ITPR3: variants seen among roughly 807,000 people sequenced by gnomAD.
The protein encoded by ITPR3 is inositol 1,4,5-trisphosphate receptor type 3.
In ITPR3, 173 loss-of-function variants were observed where a neutral mutation model predicts 293.2. The ratio of observed to expected loss-of-function variants is 0.59; its 90% confidence interval spans 0.52 to 0.67. ITPR3 has a LOEUF of 0.67. ITPR3 is among the 30% of genes least tolerant of loss of function. The probability of loss-of-function intolerance (pLI) is 0.00; values close to 1 mark genes in which losing one functional copy is unlikely to be tolerated. For synonymous variants in ITPR3, 1,295 were observed against 1,444.4 expected, an observed-to-expected ratio of 0.90 and a Z score of 2.35; for missense variants, 2,796 against 3,592.1, an observed-to-expected ratio of 0.78 and a Z score of 5.66.
rs146484117 is a variant in ITPR3, at chr6:33,664,436, C to G, written c.1149-434C>G. 1.9e-4 allele frequency among the ~76,000 whole-genome samples: 29 copies of G among 152,312 alleles called. No individual in the cohort carries two copies. Among genetic ancestry groups the G allele is most frequent in the Middle Eastern group, 3.4e-3 (1 of 294 alleles). ...CTTGGGGGTAGATGGATTTGGTATT[C>G]AGATTGTTTTTCATTTTAGAAAGGT... On this transcript the variant is annotated intron_variant, in intron 11 of 57. Coordinates refer to ENST00000605930, the MANE Select transcript of ITPR3 (RefSeq NM_002224.4). The surrounding 1 kb of genome is among the most constrained non-coding windows in gnomAD (Gnocchi z 4.4).
At chr6:33,695,164 C>A in intron 57 of ITPR3, 79 bp downstream of exon 57, 2 of 1,481,904 alleles carry the variant, frequency 1.3e-6, no homozygotes, top group Non-Finnish European at 9.2e-7. Context: ...CCTTCCTGAC[C>A]CACCCTCTTC....
chr6:33,673,104 C>T (rs192351059), intron 22 of ITPR3, among the ~76,000 whole-genome samples: 2 of 152,302 alleles, frequency 1.3e-5, no homozygotes, highest in Admixed American at 1.3e-4. Context: ...GTGTGACTCA[C>T]CCATGTCTGC....
In ITPR3 at chr6:33,664,045, G is replaced by A. The variant is rs969676834; in HGVS notation, c.1148+165G>A. Reference sequence around the variant, plus strand: ...CTGGGGATCTAGCTCTGAGTCTGTCGGCGGCTGACCACCATTGCATGCCTG... The same window carrying A: ...CTGGGGATCTAGCTCTGAGTCTGTCAGCGGCTGACCACCATTGCATGCCTG... On this transcript the variant is annotated intron_variant, in intron 11 of 57. Transcript: ENST00000605930. The surrounding 1 kb of genome is among the most constrained non-coding windows in gnomAD (Gnocchi z 4.4). 3.3e-5 allele frequency among the ~76,000 whole-genome samples: 5 copies of A among 152,014 alleles called. No individual in the cohort carries two copies. The highest frequency in any genetic ancestry group is 6.5e-5 in the Admixed American group (1 of 15,272).
At position 33,662,625 on chromosome 6, in the gene ITPR3, G is replaced by A. The variant is rs777019225; in HGVS notation, c.809G>A (p.Arg270His). Reference sequence around the variant, plus strand: ...CAGGTGTTCCTGCGAACTACACTGCGCCAGTCTGCCACCTCGGCCACCAGC... The same window carrying A: ...CAGGTGTTCCTGCGAACTACACTGCACCAGTCTGCCACCTCGGCCACCAGC... Reference protein sequence around the residue: ...KLQVFLRTTLRQSATSATSSN... With the variant: ...KLQVFLRTTLHQSATSATSSN... The change falls in exon 8 of 58, where the codon CGC becomes CAC. Residue 270 changes from arginine (R) to histidine (H), a missense_variant. By Grantham distance (29) the Arg-to-His change is conservative. Around this residue, in one of 8 missense-constraint regions of ITPR3, gnomAD observed 955 missense variants for 1,180.8 expected, o/e 0.81. Transcript: ENST00000605930. 5 of 1,611,146 alleles carry A rather than the reference G, an allele frequency of 3.1e-6. No homozygotes were observed. Among genetic ancestry groups the A allele is most frequent in the Non-Finnish European group, 4.2e-6 (5 of 1,179,992 alleles).
chr6:33,682,575 G>T lies in ITPR3; in HGVS notation c.4528G>T (p.Glu1510Ter), dbSNP rs749739146. 1 of 1,591,028 alleles carries T rather than the reference G, an allele frequency of 6.3e-7. No individual in the cohort carries two copies. The highest frequency in any genetic ancestry group is 8.6e-7 in the Non-Finnish European group (1 of 1,168,670). The change falls in exon 34 of 58, where the codon GAG becomes TAG. Residue 1510 changes from glutamate (E) to a stop codon, truncating the protein, a stop_gained. Coordinates refer to ENST00000605930, the MANE Select transcript of ITPR3 (RefSeq NM_002224.4). LOFTEE classifies it high-confidence loss of function. The surrounding 1 kb of genome is among the most constrained non-coding windows in gnomAD (Gnocchi z 5.4). ...GCTGCAGTCTACCACACGCCTCCTCGAGTGTCCGTGGCTACAGCAGCAGCA... is the reference window on the plus strand; with the variant it reads ...GCTGCAGTCTACCACACGCCTCCTCTAGTGTCCGTGGCTACAGCAGCAGCA... ...QLLQSTTRLL[E>*]CPWLQQQHKG...
At chr6:33,681,451 C>T (rs1026548932) in intron 33 of ITPR3, among the ~76,000 whole-genome samples, 1 of 152,196 alleles carries the variant, frequency 6.6e-6, no homozygotes, top group Non-Finnish European at 1.5e-5. Flanking sequence ...AGCAGAAGGG[C>T]TCCAGGCCAG....
Position 33,691,507 on chromosome 6 carries a change from C to A in ITPR3, c.7226-108C>A. 4.5e-6 allele frequency: 4 copies of A among 895,252 alleles called. No homozygotes were observed. The highest frequency in any genetic ancestry group is 7.0e-6 in the Non-Finnish European group (4 of 571,612). The allele number at this position is 895,252 out of a possible 1,614,324, so 55.5% of individuals were successfully genotyped here. On this transcript the variant is annotated intron_variant, in intron 52 of 57. Transcript: ENST00000605930. This position sits in a 1 kb window ranked among gnomAD's most constrained non-coding sequence, Gnocchi z 4.9. Reference sequence around the variant, plus strand: ...CTGTGGCTGGACAGTGGAGGGCTGGCGATCCAGGACCAGGGAAGGTTTCCT... The same window carrying A: ...CTGTGGCTGGACAGTGGAGGGCTGGAGATCCAGGACCAGGGAAGGTTTCCT...
chr6:33,632,150 G>A lies in ITPR3; in HGVS notation c.90-8334G>A, dbSNP rs1763698275. Reference sequence around the variant, plus strand: ...CCAGAAGACCTGGGATCTGGAACTTGCTGTTCCATTAACTTGTGTGACCTG... The same window carrying A: ...CCAGAAGACCTGGGATCTGGAACTTACTGTTCCATTAACTTGTGTGACCTG... On this transcript the variant is annotated intron_variant, in intron 1 of 57. Coordinates refer to ENST00000605930, the MANE Select transcript of ITPR3 (RefSeq NM_002224.4). This position sits in a 1 kb window ranked among gnomAD's most constrained non-coding sequence, Gnocchi z 4.1. Among the ~76,000 whole-genome samples the A allele has an allele frequency of 6.6e-6, 1 of 151,602 alleles. No individual in the cohort carries two copies. Among genetic ancestry groups the A allele is most frequent in the South Asian group, 2.1e-4 (1 of 4,818 alleles).
intron 1 of ITPR3, among the ~76,000 whole-genome samples, chr6:33,629,889 A>T (rs1763634090): frequency 6.6e-6 from 1 of 151,900 alleles, no homozygotes; most frequent in Non-Finnish European, 1.5e-5. Flanking sequence ...TCAAGAGATC[A>T]AGACCATCCT....
In ITPR3 at chr6:33,672,343, G is replaced by C; in HGVS notation, c.2928+115G>C. The C allele has an allele frequency of 1.1e-6, 1 of 891,180 alleles. No individual in the cohort carries two copies. Among genetic ancestry groups the C allele is most frequent in the Non-Finnish European group, 1.7e-6 (1 of 589,186 alleles). The allele number at this position is 891,180 out of a possible 1,614,324, so 55.2% of individuals were successfully genotyped here. A position where few individuals can be genotyped will look rare whatever the true frequency, so the allele number is the denominator to read the frequency against. On this transcript the variant is annotated intron_variant, in intron 22 of 57. Coordinates refer to ENST00000605930, the MANE Select transcript of ITPR3 (RefSeq NM_002224.4). The surrounding 1 kb of genome is among the most constrained non-coding windows in gnomAD (Gnocchi z 5.0). ...CAGATCTCAGTATTTAGTACTGGAAGTCTCCATCGTGACTGGCTGTCAGGC... is the reference window on the plus strand; with the variant it reads ...CAGATCTCAGTATTTAGTACTGGAACTCTCCATCGTGACTGGCTGTCAGGC...
intron 1 of ITPR3, among the ~76,000 whole-genome samples, chr6:33,630,907 G>T (rs1238331320): frequency 6.6e-6 from 1 of 152,236 alleles, no homozygotes; most frequent in Non-Finnish European, 1.5e-5. Flanking sequence ...ATATGTAGAG[G>T]TAAAGGAAAT....
chr6:33,647,453 A>G (rs575472509), intron 2 of ITPR3, among the ~76,000 whole-genome samples: 39 of 152,252 alleles, frequency 2.6e-4, no homozygotes, highest in Non-Finnish European at 4.4e-4. Flanking sequence ...ACCACCATCC[A>G]TCCACAGACC....
intron 2 of ITPR3, among the ~76,000 whole-genome samples, chr6:33,648,748 G>A (rs961409174): frequency 1.3e-5 from 2 of 151,902 alleles, no homozygotes; most frequent in African/African-American, 4.8e-5. Context: ...CGTGTCAACA[G>A]ACCCGGCTAG....
chr6:33,678,779 C>T lies in ITPR3; in HGVS notation c.3912C>T (p.His1304=), dbSNP rs1282358430. 6.2e-7 allele frequency: 1 copy of T among 1,613,624 alleles called. No individual in the cohort carries two copies. Among genetic ancestry groups the T allele is most frequent in the African/African-American group, 1.3e-5 (1 of 75,032 alleles). ...GRHVQYLDFL[H]TVIKAEGKYV... is the part of the protein sequence containing the mutation. ...ATGTGCAGTACCTGGACTTCCTGCA[C>T]ACCGTCATTAAGGCCGAGGGCAAGT... The change falls in exon 30 of 58, where the codon CAC becomes CAT. Residue 1304 remains histidine (H), a synonymous_variant. Coordinates refer to ENST00000605930, the MANE Select transcript of ITPR3 (RefSeq NM_002224.4).
In ITPR3 at chr6:33,688,246, G is replaced by A. The variant is rs907167572; in HGVS notation, c.6383G>A (p.Arg2128Gln). 4 of 1,614,190 alleles carry A rather than the reference G, an allele frequency of 2.5e-6. No homozygotes were observed. Among genetic ancestry groups the A allele is most frequent in the African/African-American group, 1.3e-5 (1 of 75,058 alleles). The change falls in exon 48 of 58, where the codon CGG becomes CAG. Residue 2128 changes from arginine (R) to glutamine (Q), a missense_variant. Around this residue, in one of 8 missense-constraint regions of ITPR3, gnomAD observed 568 missense variants for 796.1 expected, o/e 0.71. Coordinates refer to ENST00000605930, the MANE Select transcript of ITPR3 (RefSeq NM_002224.4). ...ENHTSQIEIV[R>Q]QDRSMEQIVF... ...TGTGCTGTGTGTGCTCAGATTGTGCGGCAGGACCGCAGCATGGAGCAGATC... is the reference window on the plus strand; with the variant it reads ...TGTGCTGTGTGTGCTCAGATTGTGCAGCAGGACCGCAGCATGGAGCAGATC...
intron 2 of ITPR3, among the ~76,000 whole-genome samples, chr6:33,649,313 C>T (rs1441021209): frequency 1.3e-5 from 2 of 152,212 alleles, no homozygotes; most frequent in African/African-American, 4.8e-5. Flanking sequence ...GCAACCTCTC[C>T]CTCCTGGGTT....
chr6:33,644,368 C>T (rs1764018870), intron 2 of ITPR3, among the ~76,000 whole-genome samples: 1 of 151,806 alleles, frequency 6.6e-6, no homozygotes, highest in Non-Finnish European at 1.5e-5. Flanking sequence ...GGCAATCCGC[C>T]CGTCTCGGCC....
rs972958125 is a variant in ITPR3 at position 33,691,244 on chromosome 6, C to T, written c.7225+135C>T. The T allele has an allele frequency of 2.1e-5, 17 of 821,298 alleles. No individual in the cohort carries two copies. Among genetic ancestry groups the T allele is most frequent in the African/African-American group, 1.9e-4 (11 of 58,314 alleles). 50.9% of individuals were successfully genotyped at this position (821,298 alleles called of 1,614,324 possible). A position where few individuals can be genotyped will look rare whatever the true frequency, so the allele number is the denominator to read the frequency against. The stretch of plus-strand genomic sequence containing the variant: ...TGCTTCTCCTCTTGGCTTCTGGGGA[C>T]GTCTAGCTAACACCAGTCTGCCTCG... On this transcript the variant is annotated intron_variant, in intron 52 of 57. Coordinates refer to ENST00000605930, the MANE Select transcript of ITPR3 (RefSeq NM_002224.4). This position sits in a 1 kb window ranked among gnomAD's most constrained non-coding sequence, Gnocchi z 4.9.
intron 7 of ITPR3, among the ~76,000 whole-genome samples, chr6:33,661,590 T>C (rs1215210757): frequency 6.6e-6 from 1 of 152,150 alleles, no homozygotes. Context: ...ATCACGCATA[T>C]TATAATCCTC....
Sources: gnomAD v4.1 joint callset for allele counts (sites outside exome capture counted in the v4.1 genomes callset) on GRCh38, gnomAD v4.1.1 for gene constraint, gnomAD v4.1.1 regional missense constraint, Gnocchi (gnomAD v3.1) non-coding constraint, MANE v1.5 for transcripts, NCBI Gene and HGNC (gene_info 2026-07-23, HGNC 2026-07-21) for gene names.